Variants in ENPP1 observed in about 807,000 individuals in gnomAD.
ENPP1 encodes the protein ectonucleotide pyrophosphatase/phosphodiesterase family member 1.
In ENPP1, 73 loss-of-function variants were observed where a neutral mutation model predicts 122.8. The observed-to-expected ratio is 0.59, with a 90% CI of 0.49 to 0.72. ENPP1 has a LOEUF of 0.72. Ranked by LOEUF, ENPP1 falls within the 30% of genes least tolerant of loss-of-function variation. The pLI is 0.00. For missense variants in ENPP1, 978 were observed against 1,128.1 expected (o/e 0.87, Z 1.91); for synonymous variants, 367 against 391.6 (o/e 0.94, Z 0.74).
At chr6:131,821,976 C>T (rs763242147) in intron 1 of ENPP1, among the ~76,000 whole-genome samples, 8 of 152,092 alleles carry the variant, frequency 5.3e-5, no homozygotes, top group Non-Finnish European at 1.0e-4. Context: ...AGCACCATTT[C>T]GATTATAATC....
intron 1 of ENPP1, among the ~76,000 whole-genome samples, chr6:131,840,560 G>A (rs1781727571): frequency 6.6e-6 from 1 of 152,196 alleles, no homozygotes; most frequent in Admixed American, 6.5e-5. Flanking sequence ...ATCTAGGCAT[G>A]TTTTGTACAT....
chr6:131,813,993 T>C (rs1452091467), intron 1 of ENPP1, among the ~76,000 whole-genome samples: 1 of 152,162 alleles, frequency 6.6e-6, no homozygotes, highest in Admixed American at 6.5e-5. Context: ...GTTAAGCAAA[T>C]GGAAGAGCCT....
At chr6:131,887,864 C>T (rs1371012187) in intron 24 of ENPP1, among the ~76,000 whole-genome samples, 83 of 104,672 alleles carry the variant, frequency 7.9e-4, no homozygotes, top group African/African-American at 3.0e-3. Context: ...CGTGCCTGGC[C>T]TTTTTTTTTT....
chr6:131,853,744 T>C (rs1249362476), intron 5 of ENPP1, among the ~76,000 whole-genome samples: 2 of 152,184 alleles, frequency 1.3e-5, no homozygotes, highest in Non-Finnish European at 2.9e-5. Context: ...TTAAATTTAC[T>C]GAGTAAACTT....
At chr6:131,830,247 G>A (rs1427040136) in intron 1 of ENPP1, among the ~76,000 whole-genome samples, 1 of 152,182 alleles carries the variant, frequency 6.6e-6, no homozygotes, top group Non-Finnish European at 1.5e-5. Flanking sequence ...GGGTGAAGGT[G>A]AGCTGCAATG....
At chr6:131,811,362 C>CTATATATCTA (rs200558743) in intron 1 of ENPP1, among the ~76,000 whole-genome samples, 8 of 134,194 alleles carry the variant, frequency 6.0e-5, no homozygotes, top group African/African-American at 2.4e-4. Flanking sequence ...AAACATATAT[C>CTATATATCTA]TATATCTATA....
chr6:131,818,996 A>G lies in ENPP1; in HGVS notation c.240+10721A>G, dbSNP rs542341205. Reference sequence around the variant, plus strand: ...TGATAAAATCTGAGCTTCCAAGCAAAAATTAGAATTTTGAAAAACTTGTAT... The same window carrying G: ...TGATAAAATCTGAGCTTCCAAGCAAGAATTAGAATTTTGAAAAACTTGTAT... On this transcript the variant is annotated intron_variant, in intron 1 of 24. Coordinates refer to ENST00000647893, the MANE Select transcript of ENPP1 (RefSeq NM_006208.3). Among the ~76,000 whole-genome samples the G allele has an allele frequency of 3.3e-5, 5 of 152,364 alleles. No individual in the cohort carries two copies. The South Asian group carries it at 8.3e-4, about 25-fold the overall frequency.
intron 9 of ENPP1, among the ~76,000 whole-genome samples, chr6:131,862,675 C>T (rs1398305569): frequency 6.6e-6 from 1 of 152,154 alleles, no homozygotes; most frequent in Non-Finnish European, 1.5e-5. Flanking sequence ...GATGACCAGG[C>T]TGGGTGGTGT....
At chr6:131,853,847 C>G (rs1037160004) in intron 5 of ENPP1, among the ~76,000 whole-genome samples, 1 of 152,050 alleles carries the variant, frequency 6.6e-6, no homozygotes, top group African/African-American at 2.4e-5. Flanking sequence ...GAGCCATGGC[C>G]GTTTTGGGGT....
chr6:131,815,440 T>C (rs1299145134), intron 1 of ENPP1, among the ~76,000 whole-genome samples: 1 of 152,240 alleles, frequency 6.6e-6, no homozygotes, highest in Non-Finnish European at 1.5e-5. Flanking sequence ...TCACCATTTG[T>C]AGCTCAGCTG....
chr6:131,845,546 T>C (rs906227727), intron 1 of ENPP1, among the ~76,000 whole-genome samples: 4 of 148,618 alleles, frequency 2.7e-5, no homozygotes, highest in Non-Finnish European at 1.5e-5. Context: ...AACCTCCGCC[T>C]CCCGGGTTCA....
intron 1 of ENPP1, among the ~76,000 whole-genome samples, chr6:131,811,326 T>A (rs1238186487): frequency 6.6e-6 from 1 of 150,498 alleles, no homozygotes; most frequent in Non-Finnish European, 1.5e-5. Flanking sequence ...ACTACTTTCA[T>A]GTTTCAGTGA....
At chr6:131,831,739 C>T (rs1781616997) in intron 1 of ENPP1, among the ~76,000 whole-genome samples, 1 of 152,134 alleles carries the variant, frequency 6.6e-6, no homozygotes, top group South Asian at 2.1e-4. Flanking sequence ...GCTATTAATG[C>T]TATTAATAGG....
In ENPP1 at chr6:131,861,666, T is replaced by A; in HGVS notation, c.987T>A (p.Ile329=). The change falls in exon 9 of 25, where the codon ATT becomes ATA. Residue 329 remains isoleucine, a synonymous_variant. Coordinates refer to ENST00000647893, the MANE Select transcript of ENPP1 (RefSeq NM_006208.3). ...TFFWPGSDVE[I]NGIFPDIYKM... ...TCTGGCCAGGATCAGATGTGGAAAT[T>A]AACGGAATTTTCCCAGACATCTATA... 3 of 1,613,296 alleles carry A rather than the reference T, an allele frequency of 1.9e-6. No homozygotes were observed. The highest frequency in any genetic ancestry group is 2.5e-6 in the Non-Finnish European group (3 of 1,179,288).
At chr6:131,827,990 G>T in intron 1 of ENPP1, 1 of 714,972 alleles carries the variant, frequency 1.4e-6, no homozygotes. Context: ...CTGGTACCTG[G>T]GGTAGTGAAG....
At chr6:131,808,841 T>C (rs771834992) in intron 1 of ENPP1, among the ~76,000 whole-genome samples, 11 of 152,220 alleles carry the variant, frequency 7.2e-5, no homozygotes, top group Non-Finnish European at 1.0e-4. Flanking sequence ...GAAGAAACCT[T>C]TATGATTCTT....
At chr6:131,830,369 G>C (rs1185932382) in intron 1 of ENPP1, among the ~76,000 whole-genome samples, 1 of 152,176 alleles carries the variant, frequency 6.6e-6, no homozygotes, top group Admixed American at 6.5e-5. Context: ...CAGGAAGGAG[G>C]AGAGACTTTG....
At chr6:131,836,969 C>T (rs1447623773) in intron 1 of ENPP1, among the ~76,000 whole-genome samples, 4 of 152,048 alleles carry the variant, frequency 2.6e-5, no homozygotes, top group Non-Finnish European at 5.9e-5. Context: ...AGCAGCTGGG[C>T]TTGAGCAGGT....
chr6:131,876,216 C>A (rs565893366), intron 17 of ENPP1, among the ~76,000 whole-genome samples: 1 of 152,118 alleles, frequency 6.6e-6, no homozygotes, highest in Admixed American at 6.5e-5. Flanking sequence ...GAAAGGTGGA[C>A]AAAACTTTTG....
Sources: allele counts gnomAD v4.1 joint callset (sites outside exome capture counted in the v4.1 genomes callset), GRCh38; gene constraint gnomAD v4.1.1; transcripts MANE v1.5; gene names NCBI Gene and HGNC (gene_info 2026-07-23, HGNC 2026-07-21).